KIAA0930: variants seen among roughly 807,000 people sequenced by gnomAD.
KIAA0930 encodes the protein KIAA0930.
KIAA0930 carries 24 observed loss-of-function variants against 43.9 expected under a neutral mutation model. That is an observed-to-expected ratio of 0.55 (90% CI 0.40 to 0.77). The LOEUF is 0.77. Among genes scored for constraint, KIAA0930 ranks in the 30% least tolerant of loss-of-function variants. The pLI is 0.00. For missense variants in KIAA0930, 461 were observed against 574.2 expected (o/e 0.80, Z 2.02); for synonymous variants, 259 against 216.4 (o/e 1.20, Z -1.73).
intron 1 of KIAA0930, among the ~76,000 whole-genome samples, chr22:45,217,909 A>C (rs1224635731): frequency 3.3e-5 from 5 of 152,206 alleles, no homozygotes; most frequent in African/African-American, 1.2e-4. Context: ...CAGAACTGGA[A>C]GAGCCCTTTC....
chr22:45,236,311 A>T (rs1166894155), intron 1 of KIAA0930: 1 of 152,298 alleles, frequency 6.6e-6, no homozygotes, highest in Non-Finnish European at 1.5e-5. Flanking sequence ...CCCACAAATC[A>T]CACCTGCAGG....
intron 8 of KIAA0930, 92 bp from the exon 9 acceptor site, chr22:45,198,040 C>T: frequency 7.5e-7 from 1 of 1,337,440 alleles, no homozygotes; most frequent in Non-Finnish European, 1.1e-6. Flanking sequence ...TGAGGCCAAA[C>T]TCTGCTGAGG....
At chr22:45,236,676 T>C (rs2083890460) in intron 1 of KIAA0930, among the ~76,000 whole-genome samples, 1 of 152,096 alleles carries the variant, frequency 6.6e-6, no homozygotes, top group Non-Finnish European at 1.5e-5. Context: ...GAGCTTGGGC[T>C]CAGCAAGATT....
chr22:45,213,447 A>G, intron 1 of KIAA0930: 1 of 1,272,412 alleles, frequency 7.9e-7, no homozygotes, highest in African/African-American at 1.5e-5. Context: ...GGGCCAGGAG[A>G]GCCCACGGGA....
At chr22:45,232,397 C>T (rs920756918) in intron 1 of KIAA0930, among the ~76,000 whole-genome samples, 4 of 152,202 alleles carry the variant, frequency 2.6e-5, no homozygotes, top group Admixed American at 6.5e-5. Context: ...ATAATGGACA[C>T]GTGGAGTAAG....
Position 45,199,858 on chromosome 22 carries a change from G to C in KIAA0930, c.1015+15C>G. 1 of 1,545,088 alleles carries C rather than the reference G, an allele frequency of 6.5e-7. No homozygotes were observed. Among genetic ancestry groups the C allele is most frequent in the African/African-American group, 1.4e-5 (1 of 72,212 alleles). On this transcript the variant is annotated intron_variant, in intron 8 of 9. Coordinates refer to ENST00000336156, the MANE Select transcript of KIAA0930 (RefSeq NM_001009880.2). Reference sequence around the variant, plus strand: ...GAAGGGCACGGGGACCCTAGGGCACGGAGTGGGGGGTCACCTCCACCGTCG... The same window carrying C: ...GAAGGGCACGGGGACCCTAGGGCACCGAGTGGGGGGTCACCTCCACCGTCG...
intron 2 of KIAA0930, among the ~76,000 whole-genome samples, chr22:45,208,002 G>A (rs1028108225): frequency 2.0e-5 from 3 of 152,136 alleles, no homozygotes; most frequent in Non-Finnish European, 2.9e-5. Context: ...TGAAAGGCTC[G>A]GGGGCACGAT....
In KIAA0930 at chr22:45,194,054, T is replaced by TC; in HGVS notation, c.*3121_*3122insG. 3.1e-5 allele frequency: 1 copy of TC among 32,744 alleles called. No homozygotes were observed. 2.0% of individuals were successfully genotyped at this position (32,744 alleles called of 1,614,324 possible). On this transcript the variant is annotated 3_prime_UTR_variant, in exon 10 of 10. Transcript: ENST00000336156. ...TTTGGGTTTAAAGACCAATGTATCTTTTTTTTTTTTTTTTTTTTTTTTTTT... is the reference window on the plus strand; with the variant it reads ...TTTGGGTTTAAAGACCAATGTATCTTCTTTTTTTTTTTTTTTTTTTTTTTTT...
intron 5 of KIAA0930, 27 bp downstream of exon 5, chr22:45,205,190 A>C: frequency 6.4e-7 from 1 of 1,567,726 alleles, no homozygotes; most frequent in Non-Finnish European, 8.8e-7. Context: ...GGGGAAGCTA[A>C]GGAGAGAGGC....
At chr22:45,227,059 G>A (rs1039944400) in intron 1 of KIAA0930, among the ~76,000 whole-genome samples, 2 of 152,020 alleles carry the variant, frequency 1.3e-5, no homozygotes, top group Non-Finnish European at 2.9e-5. Flanking sequence ...CTCCCTGCCC[G>A]GGCCCTGAGC....
intron 7 of KIAA0930, among the ~76,000 whole-genome samples, chr22:45,200,576 C>G (rs1051648146): frequency 6.6e-6 from 1 of 152,168 alleles, no homozygotes; most frequent in South Asian, 2.1e-4. Flanking sequence ...CTGACGTGGC[C>G]CCATCCCTCT....
chr22:45,218,480 G>C (rs187380864), intron 1 of KIAA0930, among the ~76,000 whole-genome samples: 2 of 151,368 alleles, frequency 1.3e-5, no homozygotes, highest in Non-Finnish European at 2.9e-5. Flanking sequence ...CACTACGCTC[G>C]GCCACCCTAC....
chr22:45,227,285 G>A (rs1187027381), intron 1 of KIAA0930, among the ~76,000 whole-genome samples: 3 of 152,112 alleles, frequency 2.0e-5, no homozygotes, highest in South Asian at 2.1e-4. Flanking sequence ...CATGCTCTCC[G>A]CAGGCAACGT....
At chr22:45,216,829 C>T (rs985849272) in intron 1 of KIAA0930, among the ~76,000 whole-genome samples, 12 of 152,098 alleles carry the variant, frequency 7.9e-5, no homozygotes, top group Non-Finnish European at 1.0e-4. Flanking sequence ...GCCAGGCTTA[C>T]GGTGGTAGCA....
intron 1 of KIAA0930, chr22:45,226,396 G>C (rs748824231): frequency 8.6e-6 from 4 of 464,566 alleles, no homozygotes; most frequent in African/African-American, 2.0e-5. Flanking sequence ...AGGGGACAAA[G>C]GGGAACAAAC....
intron 7 of KIAA0930, chr22:45,202,747 C>T: frequency 4.5e-6 from 2 of 449,272 alleles, no homozygotes; most frequent in Non-Finnish European, 7.9e-6. Context: ...GTGACCTTGG[C>T]CAGGCACAGC....
At position 45,203,776 on chromosome 22, in the gene KIAA0930, A is replaced by T. The variant is rs2083610959; in HGVS notation, c.657+69T>A. 27 of 1,550,618 alleles carry T rather than the reference A, an allele frequency of 1.7e-5. No homozygotes were observed. In the South Asian group the frequency reaches 2.7e-4, roughly 15 times the overall value. On this transcript the variant is annotated intron_variant, in intron 6 of 9. Coordinates refer to ENST00000336156, the MANE Select transcript of KIAA0930 (RefSeq NM_001009880.2). ...CAGGCTGGGGGGCCCCATGGTATGG[A>T]CCACGGTGGGCTGTGGAGCCGCCGT...
Position 45,202,999 on chromosome 22 carries a change from C to T in KIAA0930, c.843G>A (p.Met281Ile). The change falls in exon 7 of 10, where the codon ATG becomes ATA. Residue 281 changes from methionine (M) to isoleucine (I), a missense_variant. Met to Ile is a conservative substitution (Grantham distance 10). Coordinates refer to ENST00000336156, the MANE Select transcript of KIAA0930 (RefSeq NM_001009880.2). ...GCTGTGCAGCCCTTACCCGCTCGTG[C>T]ATGGGCGAAGCTGGGCTGGAGTCCT... ...TEEDSSPASP[M>I]HERVTSFSTP... 5 of 1,608,182 alleles carry T rather than the reference C, an allele frequency of 3.1e-6. No individual in the cohort carries two copies. Among genetic ancestry groups the T allele is most frequent in the Non-Finnish European group, 4.2e-6 (5 of 1,177,242 alleles).
intron 1 of KIAA0930, among the ~76,000 whole-genome samples, chr22:45,234,911 G>C (rs186468592): frequency 1.1e-3 from 171 of 152,300 alleles, no homozygotes; most frequent in African/African-American, 3.9e-3. Flanking sequence ...CAGAGGGCAG[G>C]ACTTTGCAAA....
Sources: allele counts gnomAD v4.1 joint callset (sites outside exome capture counted in the v4.1 genomes callset), GRCh38; gene constraint gnomAD v4.1.1; transcripts MANE v1.5; gene names NCBI Gene and HGNC (gene_info 2026-07-23, HGNC 2026-07-21).